The following EXOC4 variants were observed in gnomAD, a reference collection of about 807,000 sequenced individuals.
EXOC4 encodes SEC8-like 1.
In EXOC4, 71 loss-of-function variants were observed where a neutral mutation model predicts 107.2. The observed-to-expected ratio is 0.66, with a 90% CI of 0.55 to 0.81. The LOEUF (loss-of-function observed/expected upper bound fraction) is 0.81. EXOC4 is among the 30% of genes least tolerant of loss of function. The pLI is 0.00. For missense variants in EXOC4, 1,108 were observed against 1,189.6 expected (o/e 0.93, Z 1.01); for synonymous variants, 456 against 441.2 (o/e 1.03, Z -0.42).
chr7:133,816,142 A>G (rs1009014590), intron 10 of EXOC4, among the ~76,000 whole-genome samples: 1 of 152,198 alleles, frequency 6.6e-6, no homozygotes, highest in Non-Finnish European at 1.5e-5. Context: ...CAGAGGAGCT[A>G]CCAACAAAGT....
chr7:133,898,960 A>C (rs1799387992), intron 12 of EXOC4, among the ~76,000 whole-genome samples: 1 of 150,934 alleles, frequency 6.6e-6, no homozygotes, highest in African/African-American at 2.4e-5. Context: ...ACTGGATGAC[A>C]GAGTGAGACT....
At chr7:134,081,935 A>G in the EXOC4 span, among the ~76,000 whole-genome samples, 1 of 152,198 alleles carries the variant, frequency 6.6e-6, no homozygotes, top group Non-Finnish European at 1.5e-5. Flanking sequence ...TTCAAAAAAT[A>G]TTTGTTGTGA....
At chr7:133,938,353 A>C (rs1009874449) in intron 14 of EXOC4, among the ~76,000 whole-genome samples, 4 of 152,202 alleles carry the variant, frequency 2.6e-5, no homozygotes, top group African/African-American at 9.7e-5. Flanking sequence ...TCTAGGATTG[A>C]GCCATTAAGT....
intron 11 of EXOC4, among the ~76,000 whole-genome samples, chr7:133,862,785 C>T (rs1032213833): frequency 6.6e-6 from 1 of 150,468 alleles, no homozygotes; most frequent in Admixed American, 6.6e-5. Flanking sequence ...GTAGGGAAAG[C>T]ATTTTTCTAA....
At chr7:133,550,067 G>A (rs999495155) in intron 9 of EXOC4, among the ~76,000 whole-genome samples, 2 of 152,102 alleles carry the variant, frequency 1.3e-5, no homozygotes, top group African/African-American at 4.8e-5. Flanking sequence ...GTATATTTTT[G>A]TATTTGAATT....
Position 133,755,873 on chromosome 7 carries a change from T to C in EXOC4, c.1515-61452T>C, listed in dbSNP as rs150744083. Among the ~76,000 whole-genome samples the C allele has an allele frequency of 4.6e-5, 7 of 152,308 alleles. No homozygotes were observed. In the East Asian group the frequency reaches 1.4e-3, roughly 29 times the overall value. On this transcript the variant is annotated intron_variant, in intron 10 of 17. Transcript: ENST00000253861. The stretch of plus-strand genomic sequence containing the variant: ...GTAATCTTTGATCTAAATAGCTTGC[T>C]TTTCCTTCTCTCTGTTAACCTCTTC...
rs143367588 is a variant in EXOC4 at position 133,757,414 on chromosome 7, G to A, written c.1515-59911G>A. ...ATTTTGATGTTTAAAGGAGTGTCAT[G>A]AGTATGCTTCAGCTTTGGAAGTGTC... is the stretch of plus-strand genomic sequence containing the variant. On this transcript the variant is annotated intron_variant, in intron 10 of 17. Coordinates refer to ENST00000253861, the MANE Select transcript of EXOC4 (RefSeq NM_021807.4). 3.5e-4 allele frequency among the ~76,000 whole-genome samples: 53 copies of A among 152,350 alleles called. No homozygotes were observed. The East Asian group carries it at 7.3e-3, about 21-fold the overall frequency.
chr7:133,518,886 A>G (rs949452165), intron 9 of EXOC4, among the ~76,000 whole-genome samples: 1 of 152,160 alleles, frequency 6.6e-6, no homozygotes, highest in African/African-American at 2.4e-5. Flanking sequence ...TGGGAAGATG[A>G]AAAAAGTTCT....
chr7:133,484,804 C>G (rs1799236441), intron 9 of EXOC4, among the ~76,000 whole-genome samples: 1 of 152,046 alleles, frequency 6.6e-6, no homozygotes, highest in African/African-American at 2.4e-5. Context: ...TTGGGCCAGA[C>G]ACAGTGGCTT....
At chr7:133,585,495 C>T (rs929716681) in intron 9 of EXOC4, among the ~76,000 whole-genome samples, 5 of 151,868 alleles carry the variant, frequency 3.3e-5, no homozygotes, top group Non-Finnish European at 7.4e-5. Flanking sequence ...GGGGTGGTGG[C>T]GCACACCTGT....
chr7:133,651,100 AC>A (rs1244607236), intron 10 of EXOC4, among the ~76,000 whole-genome samples: 9 of 152,010 alleles, frequency 5.9e-5, no homozygotes, highest in African/African-American at 2.2e-4. Context: ...AAAGTCATAC[AC>A]CACATATCCC....
rs147900482 is a variant in EXOC4, at chr7:133,343,942, T to C, written c.764-12388T>C. 3.8e-3 allele frequency among the ~76,000 whole-genome samples: 572 copies of C among 152,172 alleles called. 4 individuals carry two copies. Among genetic ancestry groups the C allele is most frequent in the African/African-American group, 0.013 (554 of 41,528 alleles). On this transcript the variant is annotated intron_variant, in intron 5 of 17. Transcript: ENST00000253861. Reference sequence around the variant, plus strand: ...GATCCTGCTGCCTCAGCCTCCCAGATAGCACTACAGACGTGAGCAACCACA... The same window carrying C: ...GATCCTGCTGCCTCAGCCTCCCAGACAGCACTACAGACGTGAGCAACCACA...
chr7:133,628,905 A>G (rs1238737807), intron 9 of EXOC4, among the ~76,000 whole-genome samples: 1 of 152,200 alleles, frequency 6.6e-6, no homozygotes. Flanking sequence ...GCAGCGTGGA[A>G]TAAAATATAG....
At chr7:133,629,009 C>G (rs1301587386) in intron 9 of EXOC4, among the ~76,000 whole-genome samples, 1 of 152,164 alleles carries the variant, frequency 6.6e-6, no homozygotes, top group Non-Finnish European at 1.5e-5. Context: ...ACTCTTTAGT[C>G]AGAGTGATTC....
chr7:133,692,766 G>A (rs544164243), intron 10 of EXOC4, among the ~76,000 whole-genome samples: 2 of 152,280 alleles, frequency 1.3e-5, no homozygotes, highest in East Asian at 3.9e-4. Flanking sequence ...GTTCATGTAC[G>A]TTTTTATTCG....
chr7:133,738,546 A>T (rs1247425397), intron 10 of EXOC4, among the ~76,000 whole-genome samples: 1 of 152,194 alleles, frequency 6.6e-6, no homozygotes, highest in Non-Finnish European at 1.5e-5. Context: ...ATTCTTTGTG[A>T]TTAGCTATCA....
At chr7:133,292,135 A>G (rs1788799459) in intron 3 of EXOC4, among the ~76,000 whole-genome samples, 1 of 152,152 alleles carries the variant, frequency 6.6e-6, no homozygotes, top group Non-Finnish European at 1.5e-5. Flanking sequence ...ACGTGAGGTC[A>G]GGAGATTGAC....
chr7:133,516,136 A>T (rs1199843658), intron 9 of EXOC4, among the ~76,000 whole-genome samples: 3 of 152,188 alleles, frequency 2.0e-5, no homozygotes, highest in African/African-American at 7.2e-5. Context: ...TCACCACTAC[A>T]AGGTTTTGGG....
chr7:133,785,882 G>A (rs894903224), intron 10 of EXOC4, among the ~76,000 whole-genome samples: 1 of 152,082 alleles, frequency 6.6e-6, no homozygotes, highest in Non-Finnish European at 1.5e-5. Flanking sequence ...CCATAACCAG[G>A]ATGGTCTTGA....
Sources: allele counts gnomAD v4.1 joint callset (sites outside exome capture counted in the v4.1 genomes callset), GRCh38; gene constraint gnomAD v4.1.1; transcripts MANE v1.5; gene names NCBI Gene and HGNC (gene_info 2026-07-23, HGNC 2026-07-21).